Variants in DERPC observed in about 807,000 individuals in gnomAD.
The protein encoded by DERPC is DERPC proline and glycine rich nuclear protein, also known as decreased expression in renal and prostate cancer protein.
Under a neutral mutation model 7.2 loss-of-function variants are expected in DERPC, and 1 was observed. The ratio of observed to expected loss-of-function variants is 0.14; its 90% CI spans 0.05 to 0.66. The LOEUF is 0.66. Ranked by LOEUF, DERPC falls within the 30% of genes least tolerant of loss-of-function variation. The pLI is 0.84. For missense variants in DERPC, 502 were observed against 299.4 expected, an observed-to-expected ratio of 1.68 and a Z score of -4.99; for synonymous variants, 185 against 117.6, an observed-to-expected ratio of 1.57 and a Z score of -3.71.
Position 69,119,874 on chromosome 16 carries a change from C to T in DERPC, c.555G>A (p.Leu185=). The T allele has an allele frequency of 1.4e-6, 1 of 701,612 alleles. No individual in the cohort carries two copies. Among genetic ancestry groups the T allele is most frequent in the Non-Finnish European group, 2.6e-6 (1 of 384,960 alleles). The allele number at this position is 701,612 out of a possible 1,614,324, so 43.5% of individuals were successfully genotyped here. Residue 185 remains leucine (L), a synonymous_variant, in exon 3 of 3, where the codon CTG becomes CTA. Transcript: ENST00000519520. ...CAGAGGTTAACAGAACACCGGCTCTCAGGTTAGGTCCAGATCCAGGGCCCA... is the reference window on the plus strand; with the variant it reads ...CAGAGGTTAACAGAACACCGGCTCTTAGGTTAGGTCCAGATCCAGGGCCCA... ...GPMGPGSGPN[L]RAGVLLTSGN...
Position 69,122,425 on chromosome 16 carries a change from C to T in DERPC, c.-279-932G>A, listed in dbSNP as rs199525780. On this transcript the variant is annotated intron_variant, in intron 1 of 2. Coordinates refer to ENST00000519520, the MANE Select transcript of DERPC (RefSeq NM_001002847.4). ...TTTCACTTTGTCACCAAATCTGGAGCGCAGTGGCGCCATCTCGGCTCACTG... is the reference window on the plus strand; with the variant it reads ...TTTCACTTTGTCACCAAATCTGGAGTGCAGTGGCGCCATCTCGGCTCACTG... 3.3e-5 allele frequency among the ~76,000 whole-genome samples: 5 copies of T among 150,616 alleles called. No homozygotes were observed. In the East Asian group the frequency reaches 7.8e-4, roughly 24 times the overall value.
chr16:69,123,149 C>G (rs528690010), intron 1 of DERPC, among the ~76,000 whole-genome samples: 7 of 152,102 alleles, frequency 4.6e-5, no homozygotes, highest in Non-Finnish European at 1.0e-4. Flanking sequence ...CTTTACTGCC[C>G]GGGCTTAAGT....
rs147869085 is a variant in DERPC at position 69,122,945 on chromosome 16, C to T, written c.-279-1452G>A. The stretch of plus-strand genomic sequence containing the variant: ...CCACCCACCTCAGCCTCCCAAAGTG[C>T]TGGGATTACAGGCATTAGCCACCAC... On this transcript the variant is annotated intron_variant, in intron 1 of 2. Transcript: ENST00000519520. 4.3e-3 allele frequency among the ~76,000 whole-genome samples: 659 copies of T among 152,244 alleles called. 24 individuals carry two copies. In the South Asian group the frequency reaches 0.082, roughly 19 times the overall value.
At chr16:69,125,627 C>G (rs1962008158) in intron 1 of DERPC, among the ~76,000 whole-genome samples, 1 of 152,194 alleles carries the variant, frequency 6.6e-6, no homozygotes, top group Non-Finnish European at 1.5e-5. Flanking sequence ...TGCACCAGCA[C>G]AGATTGTGGG....
chr16:69,118,980 G>A lies in DERPC; in HGVS notation c.1449C>T (p.Gly483=), dbSNP rs1271398433. The part of the protein sequence containing the change: ...LNPASFPRMN[G]PAGKSFVPFP... ...ATGGGACGAAACTCTTGCCTGCAGG[G>A]CCATTCATCCTTGGAAAGGAAGCTG... is the stretch of plus-strand genomic sequence containing the variant. Residue 483 remains glycine, a synonymous_variant, in exon 3 of 3, where the codon GGC becomes GGT. Transcript: ENST00000519520. 3 of 702,948 alleles carry A rather than the reference G, an allele frequency of 4.3e-6. No homozygotes were observed. Among genetic ancestry groups the A allele is most frequent in the Non-Finnish European group, 7.8e-6 (3 of 385,030 alleles). 43.5% of individuals were successfully genotyped at this position (702,948 alleles called of 1,614,324 possible).
At position 69,119,066 on chromosome 16, in the gene DERPC, C is replaced by T. The variant is rs1961401464; in HGVS notation, c.1363G>A (p.Gly455Ser). The change falls in exon 3 of 3, where the codon GGC (glycine) becomes AGC (serine). Residue 455 changes from glycine (G) to serine (S), a missense_variant. Coordinates refer to ENST00000519520, the MANE Select transcript of DERPC (RefSeq NM_001002847.4). Reference sequence around the variant, plus strand: ...GGAGCTGGGTTGATACCCACAGGGCCAGCTGGAGAAGGGCCCAGATGCCCG... The same window carrying T: ...GGAGCTGGGTTGATACCCACAGGGCTAGCTGGAGAAGGGCCCAGATGCCCG... ...AAGHLGPSPA[G>S]PVGINPAPFT... is the part of the protein sequence containing the mutation. 1 of 702,922 alleles carries T rather than the reference C, an allele frequency of 1.4e-6. No homozygotes were observed. The highest frequency in any genetic ancestry group is 1.7e-5 in the African/African-American group (1 of 57,272). The allele number at this position is 702,922 out of a possible 1,614,324, so 43.5% of individuals were successfully genotyped here.
chr16:69,122,572 A>G lies in DERPC; in HGVS notation c.-279-1079T>C, dbSNP rs1432517039. On this transcript the variant is annotated intron_variant, in intron 1 of 2. Coordinates refer to ENST00000519520, the MANE Select transcript of DERPC (RefSeq NM_001002847.4). Reference sequence around the variant, plus strand: ...TTTTTTTTTTTTGGGAGGGAGTCTCACTGTGTCACCCAGGCTGGAGTGCAG... The same window carrying G: ...TTTTTTTTTTTTGGGAGGGAGTCTCGCTGTGTCACCCAGGCTGGAGTGCAG... Among the ~76,000 whole-genome samples the G allele has an allele frequency of 4.3e-5, 6 of 139,704 alleles. No individual in the cohort carries two copies. The East Asian group carries it at 1.2e-3, about 29-fold the overall frequency. The allele number at this position is 139,704 out of a possible 152,430, so 91.7% of individuals were successfully genotyped here. A position where few individuals can be genotyped will look rare whatever the true frequency, so the allele number is the denominator to read the frequency against.
At chr16:69,124,887 G>A (rs1294047769) in intron 1 of DERPC, among the ~76,000 whole-genome samples, 1 of 151,836 alleles carries the variant, frequency 6.6e-6, no homozygotes, top group Non-Finnish European at 1.5e-5. Flanking sequence ...AACACTTTGG[G>A]AACATGAAAT....
chr16:69,125,746 G>C (rs530055718), intron 1 of DERPC, among the ~76,000 whole-genome samples: 6 of 152,156 alleles, frequency 3.9e-5, no homozygotes, highest in Non-Finnish European at 8.8e-5. Context: ...CTTTTATAAG[G>C]TTTCTTGAAG....
At chr16:69,128,991 G>C (rs1420569801) in intron 1 of DERPC, among the ~76,000 whole-genome samples, 5 of 152,018 alleles carry the variant, frequency 3.3e-5, no homozygotes, top group African/African-American at 1.2e-4. Flanking sequence ...TTGATCCTGG[G>C]AGGCGGTAGT....
chr16:69,126,371 T>C (rs1464423084), intron 1 of DERPC, among the ~76,000 whole-genome samples: 2 of 152,152 alleles, frequency 1.3e-5, no homozygotes, highest in Non-Finnish European at 2.9e-5. Context: ...CGAAAACACA[T>C]TTGGTTGCTG....
chr16:69,120,569 G>A lies in DERPC; in HGVS notation c.-141C>T. 6.2e-7 allele frequency: 1 copy of A among 1,614,146 alleles called. No homozygotes were observed. The highest frequency in any genetic ancestry group is 8.5e-7 in the Non-Finnish European group (1 of 1,180,034). ...AGTCCTGATCCCCAGGAGTGTGTTTGACAAGGACTGCAAAAGGTTTCTCCA... is the reference window on the plus strand; with the variant it reads ...AGTCCTGATCCCCAGGAGTGTGTTTAACAAGGACTGCAAAAGGTTTCTCCA... On this transcript the variant is annotated 5_prime_UTR_variant, in exon 3 of 3. Coordinates refer to ENST00000519520, the MANE Select transcript of DERPC (RefSeq NM_001002847.4). The surrounding 1 kb of genome is among the most constrained non-coding windows in gnomAD (Gnocchi z 4.0).
At chr16:69,121,608 G>C (rs1961669359) in intron 1 of DERPC, 115 bp from the exon 2 acceptor site, 1 of 607,836 alleles carries the variant, frequency 1.6e-6, no homozygotes. Context: ...CTCCCGAGTA[G>C]CTGGGAATAC....
At chr16:69,121,537 C>T (rs1961661931) in intron 1 of DERPC, 44 bp from the exon 2 acceptor site, 4 of 1,210,432 alleles carry the variant, frequency 3.3e-6, no homozygotes, top group Non-Finnish European at 4.7e-6. Context: ...ACAACAACAA[C>T]TAATAATGAC....
In DERPC at chr16:69,127,984, G is replaced by A. The variant is rs531189603; in HGVS notation, c.-280+4500C>T. On this transcript the variant is annotated intron_variant, in intron 1 of 2. Transcript: ENST00000519520. ...GGCTGGAGTGCAGTGGCGCAATCTC[G>A]GCTCACTGCAACCTCCGCTGCCCAG... Among the ~76,000 whole-genome samples, 18 of 149,706 alleles carry A rather than the reference G, an allele frequency of 1.2e-4. No individual in the cohort carries two copies. In the South Asian group the frequency reaches 1.9e-3, roughly 16 times the overall value.
chr16:69,129,070 C>CA (rs961361648), intron 1 of DERPC, among the ~76,000 whole-genome samples: 5 of 150,010 alleles, frequency 3.3e-5, no homozygotes, highest in African/African-American at 9.8e-5. Context: ...TCTCAAAAAA[C>CA]AGACAAACTG....
rs143137059 is a variant in DERPC, at chr16:69,129,642, C to T, written c.-280+2842G>A. ...AGAGGAGCTAAATGTTAACTGGTCA[C>T]ACAGCTACTTAAGTGGAGAGCTGGG... On this transcript the variant is annotated intron_variant, in intron 1 of 2. Transcript: ENST00000519520. Among the ~76,000 whole-genome samples the T allele has an allele frequency of 3.5e-3, 537 of 152,228 alleles. 3 individuals carry two copies. Among genetic ancestry groups the T allele is most frequent in the African/African-American group, 0.012 (508 of 41,526 alleles).
intron 1 of DERPC, among the ~76,000 whole-genome samples, chr16:69,126,888 C>A (rs1405700557): frequency 1.3e-5 from 2 of 152,108 alleles, no homozygotes; most frequent in African/African-American, 4.8e-5. Flanking sequence ...CCTGAGTACT[C>A]CCCTGAGGAC....
In DERPC at chr16:69,123,893, G is replaced by C. The variant is rs960588711; in HGVS notation, c.-279-2400C>G. Reference sequence around the variant, plus strand: ...ACCTGAGGTCAGGAGTTTGAGACCAGCCTGGCCAACATGATGAAACCCCAT... The same window carrying C: ...ACCTGAGGTCAGGAGTTTGAGACCACCCTGGCCAACATGATGAAACCCCAT... On this transcript the variant is annotated intron_variant, in intron 1 of 2. Coordinates refer to ENST00000519520, the MANE Select transcript of DERPC (RefSeq NM_001002847.4). Among the ~76,000 whole-genome samples the C allele has an allele frequency of 4.3e-5, 6 of 140,342 alleles. No individual in the cohort carries two copies. The Admixed American group carries it at 4.4e-4, about 10-fold the overall frequency. The allele number at this position is 140,342 out of a possible 152,430, so 92.1% of individuals were successfully genotyped here.
Sources: gnomAD v4.1 joint callset for allele counts (sites outside exome capture counted in the v4.1 genomes callset) on GRCh38, gnomAD v4.1.1 for gene constraint, Gnocchi (gnomAD v3.1) non-coding constraint, MANE v1.5 for transcripts, NCBI Gene and HGNC (gene_info 2026-07-23, HGNC 2026-07-21) for gene names.